Variants in NME7 observed in about 807,000 individuals in gnomAD.
The protein encoded by NME7 is nucleoside diphosphate kinase 7.
Under a neutral mutation model 49.1 loss-of-function variants are expected in NME7, and 41 were observed. The ratio of observed to expected loss-of-function variants is 0.83; its 90% CI spans 0.65 to 1.08. The LOEUF is 1.08. NME7 is among the 50% of genes least tolerant of loss of function. The pLI, the probability that NME7 is intolerant of heterozygous loss-of-function variation, is 0.00. For missense variants in NME7, 423 were observed against 463.4 expected (o/e 0.91, Z 0.80); for synonymous variants, 139 against 150.6 (o/e 0.92, Z 0.56).
intron 11 of NME7, among the ~76,000 whole-genome samples, chr1:169,145,928 C>T (rs147468488): frequency 1.3e-5 from 2 of 152,096 alleles, no homozygotes; most frequent in Non-Finnish European, 2.9e-5. Context: ...TGGAGAGATA[C>T]AGCATTTCAT....
At chr1:169,232,722 A>C (rs1219702315) in intron 9 of NME7, among the ~76,000 whole-genome samples, 1 of 151,934 alleles carries the variant, frequency 6.6e-6, no homozygotes, top group Non-Finnish European at 1.5e-5. Context: ...GACCTGATAC[A>C]ATTCACCATC....
At chr1:169,209,619 C>T (rs375649530) in intron 10 of NME7, among the ~76,000 whole-genome samples, 1 of 152,154 alleles carries the variant, frequency 6.6e-6, no homozygotes, top group South Asian at 2.1e-4. Context: ...AAATTTTCCA[C>T]ATCATAGCCA....
chr1:169,213,185 A>G (rs1030048277), intron 10 of NME7, among the ~76,000 whole-genome samples: 4 of 152,152 alleles, frequency 2.6e-5, no homozygotes, highest in Non-Finnish European at 5.9e-5. Context: ...GTGTCTTTAA[A>G]CAGAAATACA....
intron 1 of NME7, among the ~76,000 whole-genome samples, chr1:169,337,452 C>G (rs1460430780): frequency 6.6e-6 from 1 of 152,210 alleles, no homozygotes; most frequent in Admixed American, 6.5e-5. Context: ...TTCCCGCTCA[C>G]GCCTCTCCCT....
intron 7 of NME7, among the ~76,000 whole-genome samples, chr1:169,273,424 G>T (rs561644377): frequency 2.3e-5 from 3 of 131,950 alleles, no homozygotes. Context: ...ATTCCATGGC[G>T]TATATGCACC....
At chr1:169,291,740 C>T (rs1324383939) in intron 6 of NME7, among the ~76,000 whole-genome samples, 8 of 152,136 alleles carry the variant, frequency 5.3e-5, no homozygotes, top group East Asian at 3.9e-4. Flanking sequence ...ACATCAACAT[C>T]AAAGTAAGAT....
At chr1:169,358,712 A>T (rs1346076075) in intron 1 of NME7, among the ~76,000 whole-genome samples, 1 of 152,112 alleles carries the variant, frequency 6.6e-6, no homozygotes, top group Non-Finnish European at 1.5e-5. Flanking sequence ...AGCAGGTGAC[A>T]GTTTTATTAA....
chr1:169,201,547 A>G (rs866317203), intron 10 of NME7, among the ~76,000 whole-genome samples: 1 of 152,276 alleles, frequency 6.6e-6, no homozygotes, highest in Non-Finnish European at 1.5e-5. Context: ...ACAGAAAGGA[A>G]TATTTACGAG....
chr1:169,205,656 G>C (rs1660654705), intron 10 of NME7, among the ~76,000 whole-genome samples: 2 of 152,086 alleles, frequency 1.3e-5, no homozygotes, highest in Non-Finnish European at 2.9e-5. Flanking sequence ...TCAAGTACTG[G>C]CATTCATTAT....
At chr1:169,285,790 T>C (rs966277167) in intron 7 of NME7, 1 of 152,188 alleles carries the variant, frequency 6.6e-6, no homozygotes, top group South Asian at 2.1e-4. Flanking sequence ...TAGTTACTTA[T>C]AATCATGGTC....
rs181342909 is a variant in NME7, at chr1:169,283,225, T to C, written c.754+4078A>G. Reference sequence around the variant, plus strand: ...ATGCCCTTCTTTGTCTCTTTTTATCTTTGTTGGTTTAAAGTCTGTTTTATC... The same window carrying C: ...ATGCCCTTCTTTGTCTCTTTTTATCCTTGTTGGTTTAAAGTCTGTTTTATC... On this transcript the variant is annotated intron_variant, in intron 7 of 11. Coordinates refer to ENST00000367811, the MANE Select transcript of NME7 (RefSeq NM_013330.5). Among the ~76,000 whole-genome samples the C allele has an allele frequency of 1.2e-4, 18 of 152,260 alleles. No individual in the cohort carries two copies. The East Asian group carries it at 3.3e-3, about 28-fold the overall frequency.
At chr1:169,260,968 G>C (rs1649140977) in intron 7 of NME7, among the ~76,000 whole-genome samples, 2 of 132,812 alleles carry the variant, frequency 1.5e-5, no homozygotes, top group South Asian at 4.6e-4. Flanking sequence ...TGCATACATA[G>C]AACCTACTGG....
chr1:169,295,530 T>A (rs1022405336), intron 6 of NME7, among the ~76,000 whole-genome samples: 6 of 152,212 alleles, frequency 3.9e-5, no homozygotes, highest in Admixed American at 3.9e-4. Context: ...ACATTTACAA[T>A]AAATGTCTAC....
chr1:169,180,040 T>G (rs3820056), intron 10 of NME7, among the ~76,000 whole-genome samples: 56,029 of 151,250 alleles, frequency 0.37, 10,914 homozygotes, highest in East Asian at 0.73. Context: ...CTTAGTACAG[T>G]TATATCCAAT....
chr1:169,199,941 A>T (rs1660500848), intron 10 of NME7, among the ~76,000 whole-genome samples: 1 of 152,158 alleles, frequency 6.6e-6, no homozygotes, highest in South Asian at 2.1e-4. Context: ...TGAGTTTTCC[A>T]CAGGTATGAC....
rs184158898 is a variant in NME7 at position 169,329,837 on chromosome 1, C to T, written c.4-5337G>A. ...AAGATATCAATATCCAAATACAAGA[C>T]GATTATAGAAAACATTAAACAGATT... On this transcript the variant is annotated intron_variant, in intron 1 of 11. Coordinates refer to ENST00000367811, the MANE Select transcript of NME7 (RefSeq NM_013330.5). Among the ~76,000 whole-genome samples, 283 of 152,116 alleles carry T rather than the reference C, an allele frequency of 1.9e-3. 1 individual carries two copies. Among genetic ancestry groups the T allele is most frequent in the Middle Eastern group, 0.014 (4 of 294 alleles).
chr1:169,254,708 T>C (rs1427634340), intron 7 of NME7, among the ~76,000 whole-genome samples: 1 of 145,244 alleles, frequency 6.9e-6, no homozygotes, highest in East Asian at 2.5e-4. Context: ...TTTAGTGCTA[T>C]AAATTTCCCT....
intron 1 of NME7, among the ~76,000 whole-genome samples, chr1:169,344,046 G>T (rs1274713907): frequency 6.6e-6 from 1 of 152,138 alleles, no homozygotes; most frequent in East Asian, 1.9e-4. Flanking sequence ...AATCCATGAA[G>T]TTTGAATGTT....
At chr1:169,297,201 T>C (rs1650745420) in intron 6 of NME7, among the ~76,000 whole-genome samples, 2 of 152,094 alleles carry the variant, frequency 1.3e-5, no homozygotes. Context: ...CTCGAACTCC[T>C]GGCCTCAAAT....
Sources: gnomAD v4.1 joint callset for allele counts (sites outside exome capture counted in the v4.1 genomes callset) on GRCh38, gnomAD v4.1.1 for gene constraint, MANE v1.5 for transcripts, NCBI Gene and HGNC (gene_info 2026-07-23, HGNC 2026-07-21) for gene names.